Variants in LINGO2 observed in about 807,000 individuals in gnomAD.
LINGO2 encodes the protein leucine-rich repeat and immunoglobulin-like domain-containing nogo receptor-interacting protein 2.
Under a neutral mutation model 30.6 loss-of-function variants are expected in LINGO2, and 14 were observed. The observed-to-expected ratio is 0.46, with a 90% confidence interval of 0.30 to 0.72. The LOEUF (loss-of-function observed/expected upper bound fraction) is 0.72. LINGO2 is among the 30% of genes least tolerant of loss of function. The probability of loss-of-function intolerance (pLI) is 0.07; values close to 1 mark genes in which losing one functional copy is unlikely to be tolerated. For missense variants in LINGO2, 729 were observed against 751.7 expected (o/e 0.97, Z 0.35); for synonymous variants, 317 against 288.5 (o/e 1.10, Z -1.00).
chr9:28,814,793 T>TCA, the LINGO2 span, among the ~76,000 whole-genome samples: 9 of 148,992 alleles, frequency 6.0e-5, no homozygotes, highest in Admixed American at 1.3e-4. Context: ...TCCCTCTCTC[T>TCA]CTCACACACA....
chr9:27,998,244 A>G (rs1587649962), intron 5 of LINGO2, among the ~76,000 whole-genome samples: 1 of 151,942 alleles, frequency 6.6e-6, no homozygotes, highest in Admixed American at 6.6e-5. Flanking sequence ...GTCATATGAA[A>G]CCTTTCAGCC....
chr9:28,482,439 T>C (rs1302750812), intron 1 of LINGO2, among the ~76,000 whole-genome samples: 2 of 152,162 alleles, frequency 1.3e-5, no homozygotes, highest in African/African-American at 4.8e-5. Flanking sequence ...GAAGTGTCTG[T>C]TCATGTCCTT....
At chr9:28,134,149 C>CA (rs1489135682) in intron 4 of LINGO2, among the ~76,000 whole-genome samples, 1 of 152,124 alleles carries the variant, frequency 6.6e-6, no homozygotes, top group Non-Finnish European at 1.5e-5. Context: ...ATCTTGGCCA[C>CA]AATCATTGTA....
chr9:28,131,097 T>C (rs1052808283), intron 4 of LINGO2, among the ~76,000 whole-genome samples: 3 of 152,042 alleles, frequency 2.0e-5, no homozygotes, highest in Admixed American at 2.0e-4. Flanking sequence ...TTTCTCTGCT[T>C]TCAACTCTGA....
chr9:28,463,097 G>C (rs558157101), intron 2 of LINGO2, among the ~76,000 whole-genome samples: 36 of 151,612 alleles, frequency 2.4e-4, no homozygotes, highest in Admixed American at 3.9e-4. Flanking sequence ...GATTAATAGC[G>C]CTTTTTTTTT....
intron 5 of LINGO2, among the ~76,000 whole-genome samples, chr9:27,997,601 A>AT (rs1407268104): frequency 1.3e-5 from 2 of 152,274 alleles, no homozygotes; most frequent in African/African-American, 4.8e-5. Flanking sequence ...CTTGCAGCTA[A>AT]TTTTTACTGT....
chr9:28,568,238 A>G (rs891385886), intron 1 of LINGO2, among the ~76,000 whole-genome samples: 5 of 152,030 alleles, frequency 3.3e-5, no homozygotes, highest in African/African-American at 9.7e-5. Context: ...AAAAACAAAT[A>G]CCATATGTTC....
At chr9:28,630,000 C>A (rs1826860160) in intron 1 of LINGO2, among the ~76,000 whole-genome samples, 1 of 148,840 alleles carries the variant, frequency 6.7e-6, no homozygotes, top group African/African-American at 2.5e-5. Flanking sequence ...TCAATTCCCA[C>A]CTATGAGTGA....
At chr9:28,362,913 T>C (rs921642534) in intron 3 of LINGO2, among the ~76,000 whole-genome samples, 3 of 152,224 alleles carry the variant, frequency 2.0e-5, no homozygotes, top group African/African-American at 7.2e-5. Context: ...AAAAAATAGA[T>C]GTCTGTCGCA....
the LINGO2 span, among the ~76,000 whole-genome samples, chr9:28,910,483 C>T: frequency 2.6e-5 from 4 of 152,016 alleles, no homozygotes; most frequent in African/African-American, 2.4e-5. Context: ...CCACCCAAAT[C>T]TCATGTCAAA....
At chr9:29,044,443 C>G in the LINGO2 span, among the ~76,000 whole-genome samples, 21 of 151,948 alleles carry the variant, frequency 1.4e-4, no homozygotes, top group African/African-American at 5.1e-4. Context: ...GGAGATAACA[C>G]CTTTCAAGAT....
At chr9:28,765,447 G>C in the LINGO2 span, among the ~76,000 whole-genome samples, 2 of 151,978 alleles carry the variant, frequency 1.3e-5, no homozygotes, top group Non-Finnish European at 1.5e-5. Flanking sequence ...ATGTGTGGTG[G>C]GGAAGGTGGG....
the LINGO2 span, among the ~76,000 whole-genome samples, chr9:29,070,185 T>A: frequency 6.6e-6 from 1 of 152,048 alleles, no homozygotes; most frequent in Non-Finnish European, 1.5e-5. Flanking sequence ...AACCTGATGC[T>A]TAAAAAAATT....
chr9:28,230,928 C>T (rs1401341719), intron 4 of LINGO2, among the ~76,000 whole-genome samples: 2 of 151,832 alleles, frequency 1.3e-5, no homozygotes, highest in Non-Finnish European at 2.9e-5. Flanking sequence ...AGTATCAAAT[C>T]AAATACTGTC....
chr9:28,139,183 A>T (rs1180792855), intron 4 of LINGO2, among the ~76,000 whole-genome samples: 5 of 152,318 alleles, frequency 3.3e-5, no homozygotes, highest in Admixed American at 6.5e-5. Flanking sequence ...CCTTAGCAGT[A>T]ACTCTACCAG....
the LINGO2 span, among the ~76,000 whole-genome samples, chr9:29,012,368 A>G: frequency 6.6e-6 from 1 of 151,110 alleles, no homozygotes; most frequent in African/African-American, 2.4e-5. Flanking sequence ...AAAAAAAAAA[A>G]TTATATTATT....
At chr9:28,222,529 T>TA (rs201689042) in intron 4 of LINGO2, among the ~76,000 whole-genome samples, 30,715 of 149,920 alleles carry the variant, frequency 0.2, 3,347 homozygotes, top group African/African-American at 0.26. Context: ...AGGCAAAATT[T>TA]AAAAAAAAAA....
chr9:28,302,745 A>C (rs775910094), intron 3 of LINGO2, among the ~76,000 whole-genome samples: 10 of 152,208 alleles, frequency 6.6e-5, no homozygotes, highest in Non-Finnish European at 1.2e-4. Context: ...AATATTCTAA[A>C]GAAGAGAGAT....
the LINGO2 span, among the ~76,000 whole-genome samples, chr9:28,970,078 G>C: frequency 6.6e-6 from 1 of 152,108 alleles, no homozygotes; most frequent in African/African-American, 2.4e-5. Flanking sequence ...AGAAGGATAG[G>C]AAGGGGAAGA....
Sources: gnomAD v4.1 joint callset for allele counts (sites outside exome capture counted in the v4.1 genomes callset) on GRCh38, gnomAD v4.1.1 for gene constraint, MANE v1.5 for transcripts, NCBI Gene and HGNC (gene_info 2026-07-23, HGNC 2026-07-21) for gene names.